The following MYO1B variants were observed in gnomAD, a reference collection of about 807,000 sequenced individuals.
MYO1B encodes myosin IB.
Under a neutral mutation model 159.7 loss-of-function variants are expected in MYO1B, and 72 were observed. That is an observed-to-expected ratio of 0.45 (90% confidence interval 0.37 to 0.55). The LOEUF (loss-of-function observed/expected upper bound fraction) is 0.55. Ranked by LOEUF, MYO1B falls within the 20% of genes least tolerant of loss-of-function variation. The pLI, the probability that MYO1B is intolerant of heterozygous loss-of-function variation, is 0.00. For synonymous variants in MYO1B, 468 were observed against 473.8 expected, an observed-to-expected ratio of 0.99 and a Z score of 0.16; for missense variants, 1,062 against 1,364.8, an observed-to-expected ratio of 0.78 and a Z score of 3.50.
intron 2 of MYO1B, among the ~76,000 whole-genome samples, chr2:191,283,746 C>T (rs564812966): frequency 6.6e-6 from 1 of 152,308 alleles, no homozygotes; most frequent in South Asian, 2.1e-4. Context: ...GATAGTCCTG[C>T]TGACTTTCCA....
intron 3 of MYO1B, among the ~76,000 whole-genome samples, chr2:191,310,995 G>A (rs1274374926): frequency 1.3e-5 from 2 of 152,166 alleles, no homozygotes; most frequent in Non-Finnish European, 2.9e-5. Context: ...AATTTAGGAA[G>A]GGGCAACATT....
chr2:191,416,666 T>A (rs184400883), intron 30 of MYO1B, among the ~76,000 whole-genome samples: 2 of 152,020 alleles, frequency 1.3e-5, no homozygotes, highest in East Asian at 3.9e-4. Context: ...CAAAAAAAAT[T>A]AGCTGGGCGT....
In MYO1B at chr2:191,369,619, A is replaced by G; in HGVS notation, c.1110A>G (p.Glu370=). Residue 370 remains glutamate, a synonymous_variant, in exon 12 of 31, where the codon GAA becomes GAG. Coordinates refer to ENST00000392318, the MANE Select transcript of MYO1B (RefSeq NM_001130158.3). ...CATGGTTGGTAAATCGAATCAATGA[A>G]AGCATTAAGGTACTGAATTTCTATG... ...LFSWLVNRIN[E]SIKAQTKVRK... The G allele has an allele frequency of 6.2e-7, 1 of 1,613,152 alleles. No homozygotes were observed. Among genetic ancestry groups the G allele is most frequent in the South Asian group, 1.1e-5 (1 of 91,044 alleles).
intron 1 of MYO1B, among the ~76,000 whole-genome samples, chr2:191,265,792 T>C (rs1687102516): frequency 6.6e-6 from 1 of 152,220 alleles, no homozygotes; most frequent in Non-Finnish European, 1.5e-5. Flanking sequence ...AACAGCGGTT[T>C]ATAGTTTTTG....
At chr2:191,394,047 A>T (rs1042019836) in intron 20 of MYO1B, among the ~76,000 whole-genome samples, 2 of 152,210 alleles carry the variant, frequency 1.3e-5, no homozygotes, top group Non-Finnish European at 2.9e-5. Flanking sequence ...TTCTCACATA[A>T]TACATTTTAG....
intron 1 of MYO1B, among the ~76,000 whole-genome samples, chr2:191,270,602 A>G (rs1423123219): frequency 1.3e-5 from 2 of 152,204 alleles, no homozygotes; most frequent in South Asian, 2.1e-4. Context: ...TGCTATTTTA[A>G]AAGATCTAGG....
intron 13 of MYO1B, among the ~76,000 whole-genome samples, chr2:191,371,662 G>A (rs1351845981): frequency 6.6e-6 from 1 of 151,962 alleles, no homozygotes; most frequent in Non-Finnish European, 1.5e-5. Context: ...TTGAGACCAG[G>A]GGCACTTCCT....
At chr2:191,290,527 A>C (rs1688629802) in intron 2 of MYO1B, among the ~76,000 whole-genome samples, 1 of 152,262 alleles carries the variant, frequency 6.6e-6, no homozygotes, top group African/African-American at 2.4e-5. Context: ...AAAATATTAG[A>C]ATCGAACAAA....
intron 3 of MYO1B, among the ~76,000 whole-genome samples, chr2:191,312,311 C>T (rs759446286): frequency 1.3e-5 from 2 of 152,154 alleles, no homozygotes; most frequent in Admixed American, 6.5e-5. Flanking sequence ...TCCTCTTTCA[C>T]AGACACTCTG....
At chr2:191,353,254 G>T (rs1199056784) in intron 7 of MYO1B, among the ~76,000 whole-genome samples, 1 of 150,898 alleles carries the variant, frequency 6.6e-6, no homozygotes, top group African/African-American at 2.5e-5. Flanking sequence ...CTCCTAGTTT[G>T]TTAAGGTTTG....
intron 1 of MYO1B, among the ~76,000 whole-genome samples, chr2:191,266,423 C>G (rs890238783): frequency 6.6e-6 from 1 of 152,188 alleles, no homozygotes; most frequent in African/African-American, 2.4e-5. Context: ...GCTCCACAGC[C>G]TGTGCCGTAC....
chr2:191,372,930 A>G (rs1694462244), intron 13 of MYO1B, among the ~76,000 whole-genome samples: 1 of 114,176 alleles, frequency 8.8e-6, no homozygotes, highest in African/African-American at 3.5e-5. Flanking sequence ...CTGTGTCTCC[A>G]GGCTGGAGTG....
chr2:191,328,308 T>A (rs978410656), intron 3 of MYO1B, among the ~76,000 whole-genome samples: 4 of 152,248 alleles, frequency 2.6e-5, no homozygotes, highest in African/African-American at 9.6e-5. Flanking sequence ...AACAGCTCTC[T>A]GTGATCTACT....
intron 2 of MYO1B, among the ~76,000 whole-genome samples, chr2:191,278,842 A>G (rs2125749583): frequency 6.6e-6 from 1 of 152,340 alleles, no homozygotes; most frequent in Non-Finnish European, 1.5e-5. Flanking sequence ...GACTTTAAAC[A>G]TTGGTCTTTG....
rs73981542 is a variant in MYO1B, at chr2:191,288,868, C to A, written c.136-7243C>A. Among the ~76,000 whole-genome samples the A allele has an allele frequency of 1.6e-3, 243 of 152,288 alleles. 2 individuals are homozygous for A. The highest frequency in any genetic ancestry group is 5.6e-3 in the African/African-American group (234 of 41,556). ...GGCAAAAACTGCAATTACTTTTGCA[C>A]CAGCCCAATACTTTAGAGGCAAAAG... On this transcript the variant is annotated intron_variant, in intron 2 of 30. Coordinates refer to ENST00000392318, the MANE Select transcript of MYO1B (RefSeq NM_001130158.3).
intron 1 of MYO1B, among the ~76,000 whole-genome samples, chr2:191,269,809 G>T (rs1464817341): frequency 6.6e-6 from 1 of 152,106 alleles, no homozygotes; most frequent in Non-Finnish European, 1.5e-5. Context: ...AGACAGATTG[G>T]ATATGTGGGA....
intron 1 of MYO1B, among the ~76,000 whole-genome samples, chr2:191,268,814 T>A (rs1212935752): frequency 3.3e-5 from 5 of 152,098 alleles, no homozygotes; most frequent in Non-Finnish European, 7.4e-5. Flanking sequence ...TGGCAGATCT[T>A]TGGAAGCTTT....
chr2:191,400,978 G>T, intron 23 of MYO1B, 143 bp downstream of exon 23: 1 of 731,810 alleles, frequency 1.4e-6, no homozygotes, highest in Non-Finnish European at 2.2e-6. Flanking sequence ...TAACACACCT[G>T]GAAACATTAG....
At chr2:191,364,772 G>C (rs1440989058) in intron 11 of MYO1B, among the ~76,000 whole-genome samples, 1 of 152,236 alleles carries the variant, frequency 6.6e-6, no homozygotes, top group Non-Finnish European at 1.5e-5. Flanking sequence ...CTTGAACCAG[G>C]TAGTCGCAGT....
Sources: gnomAD v4.1 joint callset for allele counts (sites outside exome capture counted in the v4.1 genomes callset) on GRCh38, gnomAD v4.1.1 for gene constraint, MANE v1.5 for transcripts, NCBI Gene and HGNC (gene_info 2026-07-23, HGNC 2026-07-21) for gene names.